Variants in GOLGA8S observed in about 807,000 individuals in gnomAD.
The protein encoded by GOLGA8S is golgin A8 family member S, also known as golgin subfamily A member 8S.
In GOLGA8S, 23 loss-of-function variants were observed where a neutral mutation model predicts 58.9. The observed-to-expected ratio is 0.39, with a 90% CI of 0.28 to 0.55. GOLGA8S has a LOEUF of 0.55. Ranked by LOEUF, GOLGA8S falls within the 20% of genes least tolerant of loss-of-function variation. GOLGA8S has a pLI of 0.63. For synonymous variants in GOLGA8S, 84 were observed against 195.7 expected, an observed-to-expected ratio of 0.43 and a Z score of 4.76; for missense variants, 266 against 514.2, an observed-to-expected ratio of 0.52 and a Z score of 4.67.
downstream of GOLGA8S, chr15:23,366,540 C>T (rs887282133): frequency 1.3e-5 from 2 of 151,980 alleles, no homozygotes; most frequent in African/African-American, 4.8e-5. Context: ...ATCTACTGTT[C>T]GTGAATGTCA....
chr15:23,365,323 C>T (rs1278785189), downstream of GOLGA8S: 2 of 651,866 alleles, frequency 3.1e-6, no homozygotes, highest in East Asian at 5.4e-5. Flanking sequence ...GTGGCTCTCA[C>T]TGATGTTCAC....
chr15:23,364,346 A>G lies in GOLGA8S; in HGVS notation c.1351A>G (p.Ser451Gly), dbSNP rs571553819. 1,381 of 1,601,834 alleles carry G rather than the reference A, an allele frequency of 8.6e-4. 12 individuals carry two copies. Among genetic ancestry groups the G allele is most frequent in the East Asian group, 4.9e-3 (220 of 44,806 alleles). Reference sequence around the variant, plus strand: ...GACTACAATATTTTGGCTCCAGAGCAGCTTTATGGACCACCTGGAGGAGAA... The same window carrying G: ...GACTACAATATTTTGGCTCCAGAGCGGCTTTATGGACCACCTGGAGGAGAA... The change falls in exon 16 of 19, where the codon AGC (serine) becomes GGC (glycine). Residue 451 changes from serine (S) to glycine (G), a missense_variant. Physicochemically the swap from Ser to Gly is moderately conservative, Grantham distance 56 (BLOSUM62 0). Coordinates refer to ENST00000562295, the Ensembl canonical transcript of GOLGA8S.
intron 12 of GOLGA8S, 120 bp downstream of exon 12, chr15:23,361,576 G>C: frequency 1.6e-6 from 1 of 629,636 alleles, no homozygotes; most frequent in Non-Finnish European, 2.8e-6. Flanking sequence ...AGGCACCTGT[G>C]AGCCAGAGCC....
rs3881384 is a variant in GOLGA8S at position 23,364,325 on chromosome 15, A to G, written c.1348-18A>G. ...GGCAGGTCGCTGCCGAGATGTGACT[A>G]CAATATTTTGGCTCCAGAGCAGCTT... On this transcript the variant is annotated intron_variant, in intron 15 of 18. Coordinates refer to ENST00000562295, the Ensembl canonical transcript of GOLGA8S. 0.016 allele frequency: 23,970 copies of G among 1,539,132 alleles called. 777 individuals are homozygous for G. Among genetic ancestry groups the G allele is most frequent in the African/African-American group, 0.027 (1,816 of 67,666 alleles).
intron 15 of GOLGA8S, among the ~76,000 whole-genome samples, chr15:23,363,994 C>G (rs1192741664): frequency 7.3e-6 from 1 of 137,328 alleles, no homozygotes; most frequent in Non-Finnish European, 1.6e-5. Context: ...CTGTGTATGC[C>G]CCTAGAAGAA....
rs564188581 is a variant in GOLGA8S, at chr15:23,361,067, C to T, written c.875-154C>T. Among the ~76,000 whole-genome samples the T allele has an allele frequency of 5.6e-3, 840 of 149,488 alleles. 24 individuals are homozygous for T. Among genetic ancestry groups the T allele is most frequent in the African/African-American group, 0.019 (783 of 40,590 alleles). The stretch of plus-strand genomic sequence containing the variant: ...TGGAAGACTGGCTACCATCTGGGTG[C>T]GAGGAATCATTAGCAGTGAGGCCAA... On this transcript the variant is annotated intron_variant, in intron 11 of 18. Transcript: ENST00000562295.
downstream of GOLGA8S, chr15:23,366,028 A>G (rs1457828364): frequency 6.7e-6 from 1 of 150,302 alleles, no homozygotes; most frequent in African/African-American, 2.4e-5. Flanking sequence ...GAGCATTTGT[A>G]TCTACAATAC....
At chr15:23,358,292 A>C (rs1407823683) in intron 4 of GOLGA8S, among the ~76,000 whole-genome samples, 180 bp from the exon 5 acceptor site, 1 of 152,294 alleles carries the variant, frequency 6.6e-6, no homozygotes, top group African/African-American at 2.4e-5. Context: ...GGCAAAAGCC[A>C]ACAAAGACCC....
downstream of GOLGA8S, among the ~76,000 whole-genome samples, chr15:23,367,668 T>C (rs1309251098): frequency 6.6e-6 from 1 of 151,874 alleles, no homozygotes; most frequent in Non-Finnish European, 1.5e-5. Flanking sequence ...ATGCAGTCTT[T>C]TGCGATACCT....
rs547122763 is a variant in GOLGA8S, at chr15:23,364,372, G to C, written c.1377G>C (p.Lys459Asn). Reference sequence around the variant, plus strand: ...GCTTTATGGACCACCTGGAGGAGAAGGCAGACCTGAGTGAGCTGGTGAAGA... The same window carrying C: ...GCTTTATGGACCACCTGGAGGAGAACGCAGACCTGAGTGAGCTGGTGAAGA... Residue 459 changes from lysine to asparagine, a missense_variant, in exon 16 of 19, where the codon AAG becomes AAC. By Grantham distance (94) the Lys-to-Asn change is moderately conservative. Coordinates refer to ENST00000562295, the Ensembl canonical transcript of GOLGA8S. The C allele has an allele frequency of 3.6e-5, 57 of 1,603,148 alleles. No individual in the cohort carries two copies. The Admixed American group carries it at 6.8e-4, about 19-fold the overall frequency.
rs766140409 is a variant in GOLGA8S at position 23,361,310 on chromosome 15, C to CT, written c.965dup (p.Gln323ProfsTer15). Reference sequence around the variant, plus strand: ...GGAACTAGAGAGAGTGGCAGGAGCGCTCCAGGCCCAGGTGGAGTACAATCA... The same window carrying CT: ...GGAACTAGAGAGAGTGGCAGGAGCGCTTCCAGGCCCAGGTGGAGTACAATCA... On this transcript the variant is annotated frameshift_variant, in exon 12 of 19. Transcript: ENST00000562295. LOFTEE classifies it high-confidence loss of function. 6 of 1,326,994 alleles carry CT rather than the reference C, an allele frequency of 4.5e-6. 1 individual carries two copies. The highest frequency in any genetic ancestry group is 4.7e-4 in the Middle Eastern group (2 of 4,232). 82.2% of individuals were successfully genotyped at this position (1,326,994 alleles called of 1,614,324 possible).
rs1167606187 is a variant in GOLGA8S, at chr15:23,361,105, G to A, written c.875-116G>A. 45 of 988,674 alleles carry A rather than the reference G, an allele frequency of 4.6e-5. 2 individuals are homozygous for A. The highest frequency in any genetic ancestry group is 3.3e-4 in the Middle Eastern group (1 of 3,040). 61.2% of individuals were successfully genotyped at this position (988,674 alleles called of 1,614,324 possible). ...GCAGTGAGGCCAAGTTTGAGGAGCCGGAGAGGAGCTGTGCGCCAAGAGGAG... is the reference window on the plus strand; with the variant it reads ...GCAGTGAGGCCAAGTTTGAGGAGCCAGAGAGGAGCTGTGCGCCAAGAGGAG... On this transcript the variant is annotated intron_variant, in intron 11 of 18. Coordinates refer to ENST00000562295, the Ensembl canonical transcript of GOLGA8S.
In GOLGA8S at chr15:23,363,802, A is replaced by T. The variant is rs759198984; in HGVS notation, c.1347+33A>T. On this transcript the variant is annotated intron_variant, in intron 15 of 18. Transcript: ENST00000562295. ...TGACTCCCCCTGCACCCATTTTGCC[A>T]CCTTTCTCTGTGGTCCCTCCAAGAC... 3,494 of 514,546 alleles carry T rather than the reference A, an allele frequency of 6.8e-3. 392 individuals are homozygous for T. Among genetic ancestry groups the T allele is most frequent in the African/African-American group, 0.02 (727 of 35,506 alleles). 31.9% of individuals were successfully genotyped at this position (514,546 alleles called of 1,614,324 possible).
chr15:23,361,361 C>G (rs564129565), exon 12 of GOLGA8S: 2 of 1,144,474 alleles, frequency 1.7e-6, no homozygotes, highest in African/African-American at 1.5e-5. Flanking sequence ...GAATGAGGGG[C>G]AAAAGGAGAG....
chr15:23,355,063 C>A (rs2069672695), intron 1 of GOLGA8S, among the ~76,000 whole-genome samples, 170 bp downstream of exon 1: 1 of 81,018 alleles, frequency 1.2e-5, no homozygotes, highest in East Asian at 3.3e-4. Flanking sequence ...ACCCCTTCAG[C>A]AAGCAGCCCA....
chr15:23,359,388 G>A (rs1368850343), intron 8 of GOLGA8S, among the ~76,000 whole-genome samples, 179 bp downstream of exon 8: 10 of 146,040 alleles, frequency 6.8e-5, no homozygotes, highest in African/African-American at 2.3e-4. Flanking sequence ...CTGTGGGTGA[G>A]TTGGGGGGCA....
chr15:23,361,572 C>T lies in GOLGA8S; in HGVS notation c.1110+116C>T, dbSNP rs1354408831. On this transcript the variant is annotated intron_variant, in intron 12 of 18. Coordinates refer to ENST00000562295, the Ensembl canonical transcript of GOLGA8S. ...AGTGAAATGTTACTCCTAAAGGCACCTGTGAGCCAGAGCCCTGCTCTGGTG... is the reference window on the plus strand; with the variant it reads ...AGTGAAATGTTACTCCTAAAGGCACTTGTGAGCCAGAGCCCTGCTCTGGTG... 7 of 632,960 alleles carry T rather than the reference C, an allele frequency of 1.1e-5. No individual in the cohort carries two copies. In the East Asian group the frequency reaches 1.4e-4, roughly 12 times the overall value. 39.2% of individuals were successfully genotyped at this position (632,960 alleles called of 1,614,324 possible).
chr15:23,356,352 G>T (rs1286602956), intron 1 of GOLGA8S, among the ~76,000 whole-genome samples: 3 of 137,564 alleles, frequency 2.2e-5, no homozygotes, highest in Non-Finnish European at 4.9e-5. Flanking sequence ...AAACCCCAGA[G>T]TTTGGAGTCA....
At position 23,364,438 on chromosome 15, in the gene GOLGA8S, C is replaced by T. The variant is rs184452477; in HGVS notation, c.1443C>T (p.Cys481=). 4.2e-4 allele frequency: 679 copies of T among 1,605,188 alleles called. 6 individuals carry two copies. The African/African-American group carries it at 8.1e-3, about 19-fold the overall frequency. ...TCATTCAATACTGGCAAGAGAGATG[C>T]CATCAGTGAGTGGGAGGCCAGGGCA... The change falls in exon 16 of 19, where the codon TGC becomes TGT. Residue 481 remains cysteine (C), a synonymous_variant. Coordinates refer to ENST00000562295, the Ensembl canonical transcript of GOLGA8S.
Sources: allele counts gnomAD v4.1 joint callset (sites outside exome capture counted in the v4.1 genomes callset), GRCh38; gene constraint gnomAD v4.1.1; transcripts MANE v1.5; gene names NCBI Gene and HGNC (gene_info 2026-07-23, HGNC 2026-07-21).